Variants in MITF observed in about 807,000 individuals in gnomAD.
MITF encodes melanocyte inducing transcription factor, also known as microphthalmia-associated transcription factor.
MITF carries 17 observed loss-of-function variants against 60.5 expected under a neutral mutation model. That is an observed-to-expected ratio of 0.28 (90% CI 0.19 to 0.42). The LOEUF (loss-of-function observed/expected upper bound fraction) is 0.42. Ranked by LOEUF, MITF falls within the 10% of genes least tolerant of loss-of-function variation. MITF has a pLI of 1.00. For missense variants in MITF, 622 were observed against 683.5 expected, an observed-to-expected ratio of 0.91 and a Z score of 1.00; for synonymous variants, 260 against 248.5, an observed-to-expected ratio of 1.05 and a Z score of -0.43.
intron 1 of MITF, among the ~76,000 whole-genome samples, chr3:69,833,350 G>A (rs1559660128): frequency 6.6e-6 from 1 of 152,064 alleles, no homozygotes; most frequent in Non-Finnish European, 1.5e-5. Flanking sequence ...CACACTGTAT[G>A]TAGTTGTTTT....
chr3:69,866,529 G>C (rs964136348), intron 1 of MITF, among the ~76,000 whole-genome samples: 3 of 109,736 alleles, frequency 2.7e-5, no homozygotes, highest in Admixed American at 1.3e-4. Context: ...CTATGACAAG[G>C]ATAACAACTA....
Position 69,930,481 on chromosome 3 carries a change from G to A in MITF, c.355-7341G>A, listed in dbSNP as rs73117320. 4.3e-3 allele frequency among the ~76,000 whole-genome samples: 659 copies of A among 152,298 alleles called. 2 individuals carry two copies. The highest frequency in any genetic ancestry group is 0.02 in the Middle Eastern group (6 of 294). ...GGGCTGTATGCTTGGCTGGAATGCC[G>A]TTCCTGCCAATCTGCCTGGCTCATC... On this transcript the variant is annotated intron_variant, in intron 2 of 9. Coordinates refer to ENST00000352241, the MANE Select transcript of MITF (RefSeq NM_001354604.2).
chr3:69,785,033 G>C (rs1415515108), intron 1 of MITF, among the ~76,000 whole-genome samples: 1 of 144,382 alleles, frequency 6.9e-6, no homozygotes, highest in Non-Finnish European at 1.5e-5. Flanking sequence ...TGCTGCAGTT[G>C]GATTTTTTTT....
At chr3:69,892,574 C>T (rs1339641892) in intron 2 of MITF, among the ~76,000 whole-genome samples, 1 of 152,208 alleles carries the variant, frequency 6.6e-6, no homozygotes, top group African/African-American at 2.4e-5. Context: ...TAAAAATGGT[C>T]TGTGCCCTGC....
intron 1 of MITF, among the ~76,000 whole-genome samples, chr3:69,841,549 G>C (rs949141277): frequency 1.3e-5 from 2 of 152,164 alleles, no homozygotes; most frequent in African/African-American, 4.8e-5. Context: ...GGTAAGAAAG[G>C]TTGCAGCTGT....
At chr3:69,773,305 C>T (rs148941672) in intron 1 of MITF, among the ~76,000 whole-genome samples, 1 of 152,240 alleles carries the variant, frequency 6.6e-6, no homozygotes, top group African/African-American at 2.4e-5. Context: ...GGGGCAGAGG[C>T]AGACACTGTA....
chr3:69,874,441 T>C (rs1040135823), intron 1 of MITF, among the ~76,000 whole-genome samples: 1 of 152,242 alleles, frequency 6.6e-6, no homozygotes, highest in Admixed American at 6.5e-5. Flanking sequence ...TTTTGAACTG[T>C]ATTCCAGTTT....
At chr3:69,821,809 C>T (rs755775632) in intron 1 of MITF, among the ~76,000 whole-genome samples, 2 of 151,844 alleles carry the variant, frequency 1.3e-5, no homozygotes, top group Non-Finnish European at 2.9e-5. Flanking sequence ...TGGAGTGCAG[C>T]GACGTGATCT....
intron 2 of MITF, among the ~76,000 whole-genome samples, chr3:69,896,479 A>G (rs2064878537): frequency 1.3e-5 from 2 of 152,214 alleles, no homozygotes; most frequent in South Asian, 2.1e-4. Flanking sequence ...AGGAAGCAGG[A>G]GCCCCAGTGT....
At chr3:69,886,732 T>C (rs2107304236) in intron 2 of MITF, among the ~76,000 whole-genome samples, 1 of 152,194 alleles carries the variant, frequency 6.6e-6, no homozygotes, top group South Asian at 2.1e-4. Flanking sequence ...TGGATGTGTT[T>C]TTATTATATA....
intron 1 of MITF, among the ~76,000 whole-genome samples, chr3:69,812,616 T>A (rs1484688322): frequency 1.3e-5 from 2 of 152,254 alleles, no homozygotes; most frequent in Non-Finnish European, 2.9e-5. Flanking sequence ...CTCAGTTGTC[T>A]CAGTTTTTCA....
chr3:69,871,260 T>A (rs1559687264), intron 1 of MITF, among the ~76,000 whole-genome samples: 1 of 152,324 alleles, frequency 6.6e-6, no homozygotes, highest in African/African-American at 2.4e-5. Context: ...TTTAACCTAA[T>A]AGTTTCAGTT....
intron 2 of MITF, among the ~76,000 whole-genome samples, chr3:69,931,738 T>C (rs1037357761): frequency 6.6e-6 from 1 of 152,172 alleles, no homozygotes. Context: ...ACCTGGGATA[T>C]GCACCTGGAA....
chr3:69,870,247 T>C (rs2064199943), intron 1 of MITF, among the ~76,000 whole-genome samples: 1 of 147,068 alleles, frequency 6.8e-6, no homozygotes, highest in African/African-American at 2.5e-5. Context: ...CAAATCAGAG[T>C]TGGTAAATGG....
At chr3:69,867,737 A>G (rs2064144067) in intron 1 of MITF, among the ~76,000 whole-genome samples, 3 of 152,230 alleles carry the variant, frequency 2.0e-5, no homozygotes, top group Admixed American at 2.0e-4. Flanking sequence ...GGCATGAACA[A>G]ATGAAACTTG....
intron 1 of MITF, among the ~76,000 whole-genome samples, chr3:69,765,295 C>G (rs2106816358): frequency 6.6e-6 from 1 of 152,188 alleles, no homozygotes. Flanking sequence ...TTTCTGGTAG[C>G]CTGTTTAGAA....
chr3:69,781,018 C>A (rs2062554595), intron 1 of MITF, among the ~76,000 whole-genome samples: 1 of 151,998 alleles, frequency 6.6e-6, no homozygotes, highest in African/African-American at 2.4e-5. Flanking sequence ...AGCAAATTCT[C>A]CTGTTTAGCA....
chr3:69,815,756 A>C (rs1314298926), intron 1 of MITF, among the ~76,000 whole-genome samples: 2 of 152,146 alleles, frequency 1.3e-5, no homozygotes, highest in Non-Finnish European at 2.9e-5. Flanking sequence ...TCAAGGGTCA[A>C]CTGTATTTTA....
intron 2 of MITF, among the ~76,000 whole-genome samples, chr3:69,889,744 A>G (rs2064716044): frequency 2.0e-5 from 3 of 152,144 alleles, no homozygotes; most frequent in South Asian, 4.1e-4. Flanking sequence ...TAATTGAAAA[A>G]GTTAGATTCA....
Sources: gnomAD v4.1 joint callset for allele counts (sites outside exome capture counted in the v4.1 genomes callset) on GRCh38, gnomAD v4.1.1 for gene constraint, MANE v1.5 for transcripts, NCBI Gene and HGNC (gene_info 2026-07-23, HGNC 2026-07-21) for gene names.